Variants in ADCY8 observed in about 807,000 individuals in gnomAD.
ADCY8 encodes the protein adenylate cyclase 8, also known as adenylate cyclase type 8.
A neutral mutation model predicts 119.7 loss-of-function variants in ADCY8; 51 were observed. The observed-to-expected ratio is 0.43, with a 90% CI of 0.34 to 0.54. ADCY8 has a LOEUF of 0.54. Among genes scored for constraint, ADCY8 ranks in the 20% least tolerant of loss-of-function variants. The probability of loss-of-function intolerance (pLI) is 0.03; values close to 1 mark genes in which losing one functional copy is unlikely to be tolerated. For missense variants in ADCY8, 1,383 were observed against 1,598.8 expected (o/e 0.87, Z 2.30); for synonymous variants, 665 against 651.0 (o/e 1.02, Z -0.33).
intron 2 of ADCY8, among the ~76,000 whole-genome samples, chr8:130,956,601 G>A (rs142442422): frequency 1.0e-3 from 153 of 152,260 alleles, no homozygotes; most frequent in South Asian, 4.1e-3. Flanking sequence ...AGCTCTTTGC[G>A]TTCATCTTTT....
intron 15 of ADCY8, among the ~76,000 whole-genome samples, chr8:130,787,903 G>A (rs916177290): frequency 5.3e-5 from 8 of 152,196 alleles, no homozygotes; most frequent in Admixed American, 2.6e-4. Flanking sequence ...GTGTCCACAT[G>A]TGTGCATGTG....
At chr8:130,881,811 A>G (rs1818782771) in intron 8 of ADCY8, among the ~76,000 whole-genome samples, 1 of 151,922 alleles carries the variant, frequency 6.6e-6, no homozygotes. Flanking sequence ...AGGTGGCAAT[A>G]TCAACCCAGG....
intron 1 of ADCY8, among the ~76,000 whole-genome samples, chr8:131,013,707 A>G (rs1256005249): frequency 6.6e-6 from 1 of 152,060 alleles, no homozygotes; most frequent in East Asian, 1.9e-4. Context: ...TTTATTGGGT[A>G]ATTGGGTTTG....
At chr8:130,955,326 C>T (rs192589421) in intron 2 of ADCY8, among the ~76,000 whole-genome samples, 4 of 152,184 alleles carry the variant, frequency 2.6e-5, no homozygotes, top group Admixed American at 6.5e-5. Flanking sequence ...AATGAAGTCT[C>T]GGAGAAGTAG....
At chr8:130,855,478 T>C (rs1334366753) in intron 9 of ADCY8, among the ~76,000 whole-genome samples, 1 of 152,136 alleles carries the variant, frequency 6.6e-6, no homozygotes, top group Non-Finnish European at 1.5e-5. Context: ...CCTTGAATTC[T>C]AGAGTTGGAG....
intron 1 of ADCY8, among the ~76,000 whole-genome samples, chr8:131,038,166 A>G (rs561621117): frequency 6.6e-6 from 1 of 152,326 alleles, no homozygotes; most frequent in East Asian, 1.9e-4. Flanking sequence ...GCACTCTAAC[A>G]GTGCTGGCAA....
At position 131,038,968 on chromosome 8, in the gene ADCY8, A is replaced by G. The variant is rs141970390; in HGVS notation, c.960+406T>C. ...CCAACTCTGAAGCCCAGAGCCTGCT[A>G]CAACACCCTGCTGCGACTCTCCTGA... is the stretch of plus-strand genomic sequence containing the variant. On this transcript the variant is annotated intron_variant, in intron 1 of 17. Transcript: ENST00000286355. 7.6e-3 allele frequency among the ~76,000 whole-genome samples: 1,161 copies of G among 152,294 alleles called. 8 individuals carry two copies. The highest frequency in any genetic ancestry group is 0.027 in the African/African-American group (1,118 of 41,550).
intron 6 of ADCY8, among the ~76,000 whole-genome samples, chr8:130,907,789 G>C (rs1391115628): frequency 6.6e-6 from 1 of 152,090 alleles, no homozygotes; most frequent in Admixed American, 6.6e-5. Context: ...GTGCAGCTTT[G>C]TTACAAAGCA....
At chr8:130,809,286 A>C (rs1050527292) in intron 14 of ADCY8, among the ~76,000 whole-genome samples, 4 of 152,284 alleles carry the variant, frequency 2.6e-5, no homozygotes, top group South Asian at 2.1e-4. Context: ...CTTTGTGACC[A>C]TGGGTAAATT....
chr8:130,862,659 C>T (rs563833081), intron 9 of ADCY8, among the ~76,000 whole-genome samples: 167 of 152,192 alleles, frequency 1.1e-3, no homozygotes, highest in African/African-American at 3.7e-3. Context: ...GTGATCTGCC[C>T]GCCTCGGCCT....
rs760568545 is a variant in ADCY8, at chr8:131,039,495, G to T, written c.839C>A (p.Ala280Asp). Residue 280 changes from alanine (A) to aspartate (D), a missense_variant, in exon 1 of 18, where the codon GCC becomes GAC. Physicochemically the swap from Ala to Asp is moderately radical, Grantham distance 126. This residue lies in a region of ADCY8 where 455 missense variants were observed against 435.3 expected (regional missense o/e 1.05). Transcript: ENST00000286355. Reference protein sequence around the residue: ...GIGYVLFTLFATYSMLPLPLT... With the variant: ...GIGYVLFTLFDTYSMLPLPLT... ...CGGCAGCGGCAGCATACTGTAGGTG[G>T]CGAAGAGCGTGAAGAGCACGTAGCC... 6.2e-7 allele frequency: 1 copy of T among 1,614,068 alleles called. No homozygotes were observed. The highest frequency in any genetic ancestry group is 1.1e-5 in the South Asian group (1 of 91,086).
chr8:130,936,580 G>A (rs1820794046), intron 5 of ADCY8, among the ~76,000 whole-genome samples: 1 of 152,062 alleles, frequency 6.6e-6, no homozygotes, highest in Non-Finnish European at 1.5e-5. Context: ...CCAAGATCCT[G>A]TCAATGTCCA....
intron 7 of ADCY8, among the ~76,000 whole-genome samples, chr8:130,888,304 A>T: frequency 6.6e-6 from 1 of 151,972 alleles, no homozygotes; most frequent in East Asian, 1.9e-4. Context: ...ATATGTGTAT[A>T]CTTAGCTGGT....
intron 9 of ADCY8, among the ~76,000 whole-genome samples, chr8:130,853,582 T>G (rs1034076616): frequency 6.9e-5 from 1 of 14,522 alleles, no homozygotes; most frequent in African/African-American, 1.2e-4. Context: ...TTGATGTTTT[T>G]TTTTTTTTTT....
intron 3 of ADCY8, among the ~76,000 whole-genome samples, chr8:130,944,807 T>A (rs1821059874): frequency 6.6e-6 from 1 of 152,252 alleles, no homozygotes; most frequent in Admixed American, 6.5e-5. Context: ...ATTTACTATG[T>A]GTTCAGCTAG....
At chr8:130,917,649 C>T (rs963124836) in intron 5 of ADCY8, among the ~76,000 whole-genome samples, 1 of 152,140 alleles carries the variant, frequency 6.6e-6, no homozygotes, top group African/African-American at 2.4e-5. Context: ...GCCAAGTCAG[C>T]ATTTCCTTGT....
intron 5 of ADCY8, among the ~76,000 whole-genome samples, chr8:130,936,773 C>T (rs1291300304): frequency 6.6e-6 from 1 of 152,296 alleles, no homozygotes; most frequent in African/African-American, 2.4e-5. Context: ...TCTCTCTCTG[C>T]ACTGTAACAT....
At chr8:130,781,013 G>A in intron 17 of ADCY8, 136 bp from the exon 18 acceptor site, 1 of 1,172,688 alleles carries the variant, frequency 8.5e-7, no homozygotes, top group Non-Finnish European at 1.2e-6. Context: ...CCTGCCCCCA[G>A]TCACTTATTA....
intron 17 of ADCY8, 104 bp from the exon 18 acceptor site, chr8:130,780,981 G>T (rs1330578811): frequency 6.9e-7 from 1 of 1,451,932 alleles, no homozygotes; most frequent in South Asian, 1.3e-5. Context: ...GGGTCTCTGT[G>T]GATGAACGGG....
Sources: gnomAD v4.1 joint callset for allele counts (sites outside exome capture counted in the v4.1 genomes callset) on GRCh38, gnomAD v4.1.1 for gene constraint, gnomAD v4.1.1 regional missense constraint, MANE v1.5 for transcripts, NCBI Gene and HGNC (gene_info 2026-07-23, HGNC 2026-07-21) for gene names.